RANBP17: variants seen among roughly 807,000 people sequenced by gnomAD.
The protein encoded by RANBP17 is ran-binding protein 17.
Under a neutral mutation model 141.2 loss-of-function variants are expected in RANBP17, and 158 were observed. That is an observed-to-expected ratio of 1.12 (90% CI 0.98 to 1.28). The LOEUF (loss-of-function observed/expected upper bound fraction) is 1.28, where lower values mean the gene tolerates loss of function less well. Ranked by LOEUF, RANBP17 falls within the 50% of genes most tolerant of loss-of-function variation. The probability of loss-of-function intolerance (pLI) is 0.00; values close to 1 mark genes in which losing one functional copy is unlikely to be tolerated. For missense variants in RANBP17, 1,438 were observed against 1,290.7 expected, an observed-to-expected ratio of 1.11 and a Z score of -1.75; for synonymous variants, 430 against 450.0, an observed-to-expected ratio of 0.96 and a Z score of 0.56.
At chr5:170,955,617 GTA>G (rs35979849) in intron 13 of RANBP17, among the ~76,000 whole-genome samples, 19,405 of 36,192 alleles carry the variant, frequency 0.54, 6,031 homozygotes, top group Middle Eastern at 0.69. Flanking sequence ...TATGCTCAGT[GTA>G]TATATATATA....
intron 20 of RANBP17, chr5:171,206,468 G>A (rs1197138296): frequency 6.5e-6 from 1 of 154,692 alleles, no homozygotes; most frequent in African/African-American, 2.4e-5. Flanking sequence ...AAGTGATATT[G>A]TATGCAAGTC....
At chr5:171,052,243 A>G (rs1222439406) in intron 14 of RANBP17, among the ~76,000 whole-genome samples, 1 of 152,094 alleles carries the variant, frequency 6.6e-6, no homozygotes, top group African/African-American at 2.4e-5. Flanking sequence ...GAAGCTCAAG[A>G]TTCTTTAATT....
chr5:171,055,727 C>T (rs1337918637), intron 14 of RANBP17, among the ~76,000 whole-genome samples: 5 of 151,776 alleles, frequency 3.3e-5, no homozygotes, highest in Non-Finnish European at 7.4e-5. Context: ...ATCAGGAACC[C>T]TCTATAGGGA....
chr5:171,247,670 ACACCAAG>A (rs1380498409), intron 24 of RANBP17, among the ~76,000 whole-genome samples: 1 of 152,170 alleles, frequency 6.6e-6, no homozygotes, highest in African/African-American at 2.4e-5. Context: ...TTATGCACAG[ACACCAAG>A]CACAGTGTCT....
chr5:171,048,208 G>A (rs1337758588), intron 14 of RANBP17, among the ~76,000 whole-genome samples: 1 of 152,038 alleles, frequency 6.6e-6, no homozygotes, highest in Non-Finnish European at 1.5e-5. Flanking sequence ...GACCACAGGT[G>A]CACTACACAC....
At chr5:170,982,422 G>A (rs929529062) in intron 14 of RANBP17, among the ~76,000 whole-genome samples, 1 of 152,044 alleles carries the variant, frequency 6.6e-6, no homozygotes, top group African/African-American at 2.4e-5. Context: ...ACAGAAAATA[G>A]GAAATTGGAG....
At chr5:170,999,082 A>G (rs912617824) in intron 14 of RANBP17, among the ~76,000 whole-genome samples, 7 of 152,120 alleles carry the variant, frequency 4.6e-5, no homozygotes, top group African/African-American at 1.7e-4. Flanking sequence ...TTGGAGAGAA[A>G]ACTAGAATCT....
chr5:170,863,196 G>A (rs1766966028), intron 1 of RANBP17, among the ~76,000 whole-genome samples: 1 of 152,180 alleles, frequency 6.6e-6, no homozygotes, highest in Non-Finnish European at 1.5e-5. Context: ...AAGGACGTGT[G>A]AGCCAAGGCA....
rs183998087 is a variant in RANBP17 at position 171,268,760 on chromosome 5, C to A, written c.2943+2913C>A. 6.6e-5 allele frequency among the ~76,000 whole-genome samples: 10 copies of A among 152,300 alleles called. No individual in the cohort carries two copies. The East Asian group carries it at 1.9e-3, about 29-fold the overall frequency. ...CCACCAAATCACTCCTTCCAGCACTCAACCATAATCACAGTATTGTCCCAT... is the reference window on the plus strand; with the variant it reads ...CCACCAAATCACTCCTTCCAGCACTAAACCATAATCACAGTATTGTCCCAT... On this transcript the variant is annotated intron_variant, in intron 25 of 27. Coordinates refer to ENST00000523189, the MANE Select transcript of RANBP17 (RefSeq NM_022897.5).
chr5:170,933,996 G>GT (rs1293616750), intron 12 of RANBP17, among the ~76,000 whole-genome samples: 5 of 151,984 alleles, frequency 3.3e-5, no homozygotes, highest in Non-Finnish European at 7.4e-5. Flanking sequence ...GTTGATCTGT[G>GT]TAATGTTGAC....
intron 20 of RANBP17, among the ~76,000 whole-genome samples, chr5:171,208,236 C>T (rs1488512392): frequency 6.6e-6 from 1 of 152,182 alleles, no homozygotes; most frequent in Non-Finnish European, 1.5e-5. Flanking sequence ...CTATTTAATT[C>T]AAAAACATTT....
intron 25 of RANBP17, among the ~76,000 whole-genome samples, chr5:171,267,837 T>G (rs1008618440): frequency 1.3e-5 from 2 of 152,078 alleles, no homozygotes; most frequent in African/African-American, 4.8e-5. Context: ...TGTCACTCTA[T>G]ATCAGTAAAT....
chr5:171,104,025 TTTTG>T (rs532257743), intron 14 of RANBP17, among the ~76,000 whole-genome samples: 4 of 151,990 alleles, frequency 2.6e-5, no homozygotes, highest in Admixed American at 1.3e-4. Context: ...GCTGGGAGCT[TTTTG>T]TTTGTTTGTT....
In RANBP17 at chr5:171,242,728, T is replaced by C; in HGVS notation, c.2684T>C (p.Leu895Pro). The C allele has an allele frequency of 6.2e-7, 1 of 1,613,708 alleles. No homozygotes were observed. The highest frequency in any genetic ancestry group is 1.3e-5 in the African/African-American group (1 of 75,056). Residue 895 changes from leucine (L) to proline (P), a missense_variant, in exon 24 of 28, where the codon CTC becomes CCC. Transcript: ENST00000523189. ...TCTTATTATCCACTCCTGGAATGTC[T>C]CACTCAGGACCATATGAGCTTCATC... ...SQSYYPLLEC[L>P]TQDHMSFIIN...
intron 14 of RANBP17, among the ~76,000 whole-genome samples, chr5:171,068,518 ACT>A (rs2127687925): frequency 6.6e-6 from 1 of 152,104 alleles, no homozygotes; most frequent in East Asian, 1.9e-4. Context: ...TAATGTGGTA[ACT>A]CTGAAAATTA....
intron 14 of RANBP17, among the ~76,000 whole-genome samples, chr5:171,050,316 G>C (rs1034769871): frequency 6.6e-6 from 1 of 152,066 alleles, no homozygotes; most frequent in African/African-American, 2.4e-5. Context: ...AATCTACTTA[G>C]AATTAATATT....
At chr5:170,895,150 C>CA (rs1399342367) in intron 4 of RANBP17, among the ~76,000 whole-genome samples, 1 of 152,014 alleles carries the variant, frequency 6.6e-6, no homozygotes, top group African/African-American at 2.4e-5. Context: ...AATTAAAATG[C>CA]AAAAATTGTG....
intron 22 of RANBP17, among the ~76,000 whole-genome samples, chr5:171,224,968 A>G (rs1313587751): frequency 1.3e-5 from 2 of 152,218 alleles, no homozygotes; most frequent in East Asian, 1.9e-4. Flanking sequence ...TGTTAGAGAA[A>G]ATACTTCATG....
At chr5:171,202,158 T>C (rs536004592) in intron 19 of RANBP17, among the ~76,000 whole-genome samples, 68 of 152,340 alleles carry the variant, frequency 4.5e-4, no homozygotes, top group African/African-American at 1.6e-3. Flanking sequence ...AATTTATAGC[T>C]TTATTTTCTT....
Sources: allele counts gnomAD v4.1 joint callset (sites outside exome capture counted in the v4.1 genomes callset), GRCh38; gene constraint gnomAD v4.1.1; transcripts MANE v1.5; gene names NCBI Gene and HGNC (gene_info 2026-07-23, HGNC 2026-07-21).